CROCC: variants seen among roughly 807,000 people sequenced by gnomAD.
CROCC encodes the protein rootletin.
CROCC carries 180 observed loss-of-function variants against 245.2 expected under a neutral mutation model. The observed-to-expected ratio is 0.73, with a 90% CI of 0.65 to 0.83. CROCC has a LOEUF of 0.83. Among genes scored for constraint, CROCC ranks in the 40% least tolerant of loss-of-function variants. CROCC has a pLI of 0.00. For synonymous variants in CROCC, 1,205 were observed against 1,241.6 expected (o/e 0.97, Z 0.62); for missense variants, 2,688 against 2,779.4 (o/e 0.97, Z 0.74).
intron 13 of CROCC, among the ~76,000 whole-genome samples, chr1:16,942,275 G>A (rs1409963456): frequency 4.6e-5 from 7 of 152,266 alleles, no homozygotes; most frequent in South Asian, 2.1e-4. Flanking sequence ...TGGGATTATA[G>A]GTGTGAGCCA....
intron 25 of CROCC, among the ~76,000 whole-genome samples, chr1:16,956,454 T>G (rs977346539): frequency 3.3e-5 from 5 of 152,168 alleles, no homozygotes; most frequent in African/African-American, 1.2e-4. Context: ...AGGTACAGAT[T>G]TTGTGAACTA....
intron 26 of CROCC, among the ~76,000 whole-genome samples, chr1:16,959,524 G>A (rs2076296995): frequency 6.6e-6 from 1 of 152,190 alleles, no homozygotes; most frequent in Non-Finnish European, 1.5e-5. Flanking sequence ...TGAGAGATGG[G>A]CTAGCACAGC....
chr1:16,959,963 A>C (rs900440986), intron 26 of CROCC, among the ~76,000 whole-genome samples: 5 of 152,014 alleles, frequency 3.3e-5, no homozygotes, highest in African/African-American at 7.2e-5. Context: ...CAAAAAACAA[A>C]AAAAAAAACA....
chr1:16,936,568 C>T (rs2075792010), intron 8 of CROCC, 69 bp from the exon 9 acceptor site: 1 of 1,442,894 alleles, frequency 6.9e-7, no homozygotes, highest in South Asian at 1.4e-5. Flanking sequence ...CACGCCCTGC[C>T]CAAGCATAGT....
chr1:16,966,895 A>G lies in CROCC; in HGVS notation c.4860+324A>G, dbSNP rs1258765274. Among the ~76,000 whole-genome samples, 1 of 152,136 alleles carries G rather than the reference A, an allele frequency of 6.6e-6. No homozygotes were observed. Among genetic ancestry groups the G allele is most frequent in the Non-Finnish European group, 1.5e-5 (1 of 68,038 alleles). ...GGCAACATGGTGAAACCCCGTCTCT[A>G]TGAAAAATACTTAGCTGGGCATGGT... On this transcript the variant is annotated intron_variant, in intron 30 of 36. Coordinates refer to ENST00000375541, the MANE Select transcript of CROCC (RefSeq NM_014675.5). The surrounding 1 kb of genome is among the most constrained non-coding windows in gnomAD (Gnocchi z 4.8).
chr1:16,948,256 C>G, intron 17 of CROCC, 75 bp from the exon 18 acceptor site: 1 of 1,460,920 alleles, frequency 6.8e-7, no homozygotes, highest in Admixed American at 2.5e-5. Context: ...TGGGTTAGGC[C>G]CAGAGTTGGG....
In CROCC at chr1:16,922,016, C is replaced by A. The variant is rs190520832; in HGVS notation, c.-3C>A. The A allele has an allele frequency of 1.4e-3, 2,115 of 1,550,776 alleles. 5 individuals carry two copies. In the East Asian group the frequency reaches 0.021, roughly 15 times the overall value. ...CTGGAGGCATGCCCACAGCCTCCCC[C>A]CCATGAGCTTGGGGCTGGCGGGGGC... On this transcript the variant is annotated 5_prime_UTR_variant, in exon 1 of 37. Coordinates refer to ENST00000375541, the MANE Select transcript of CROCC (RefSeq NM_014675.5).
Position 16,922,666 on chromosome 1 carries a change from C to A in CROCC, c.64C>A (p.Leu22Met), listed in dbSNP as rs146883252. 118 of 1,606,532 alleles carry A rather than the reference C, an allele frequency of 7.3e-5. No individual in the cohort carries two copies. The African/African-American group carries it at 1.5e-3, about 20-fold the overall frequency. The stretch of plus-strand genomic sequence containing the variant: ...GACCCTCTCGCTTTTCCCACAGACA[C>A]TGGAGAGCAGCGTCCTGTGCCAGGA... ...ELTLETVIQT[L>M]ESSVLCQEKG... Residue 22 changes from leucine to methionine, a missense_variant, in exon 2 of 37, where the codon CTG (leucine) becomes ATG (methionine). Leu to Met is a conservative substitution (Grantham distance 15). This residue lies in a region of CROCC where 972 missense variants were observed against 895.3 expected (regional missense o/e 1.09). Transcript: ENST00000375541.
Position 16,948,799 on chromosome 1 carries a change from C to T in CROCC, c.2709C>T (p.Arg903=). Residue 903 remains arginine (R), a splice_region_variant and synonymous_variant, in exon 19 of 37, where the codon CGC becomes CGT. Coordinates refer to ENST00000375541, the MANE Select transcript of CROCC (RefSeq NM_014675.5). ...RTLSEEATRL[R]LEKEALEGSL... ...GCCTCAGGGACTGTATGTGCTGCAG[C>T]TTGGAGAAGGAAGCCCTGGAGGGCA... The T allele has an allele frequency of 6.2e-7, 1 of 1,611,588 alleles. No homozygotes were observed.
chr1:16,946,299 A>G lies in CROCC; in HGVS notation c.2177A>G (p.Lys726Arg). 2 of 1,613,568 alleles carry G rather than the reference A, an allele frequency of 1.2e-6. No individual in the cohort carries two copies. The highest frequency in any genetic ancestry group is 1.3e-5 in the African/African-American group (1 of 75,068). ...GTGGAGCTCGAGCTCTCCATGACCA[A>G]GCTGAGGGCAGAGGAGGCCTCCCTG... ...GRVELELSMT[K>R]LRAEEASLQD... Residue 726 changes from lysine to arginine, a missense_variant, in exon 16 of 37, where the codon AAG (lysine) becomes AGG (arginine). By Grantham distance (26) the Lys-to-Arg change is conservative. Around this residue, in one of 9 missense-constraint regions of CROCC, gnomAD observed 295 missense variants for 241.7 expected, o/e 1.22. Coordinates refer to ENST00000375541, the MANE Select transcript of CROCC (RefSeq NM_014675.5).
chr1:16,919,558 C>T (rs1397609442), upstream of CROCC, among the ~76,000 whole-genome samples: 1 of 152,288 alleles, frequency 6.6e-6, no homozygotes, highest in African/African-American at 2.4e-5. Flanking sequence ...CTTTATTCGG[C>T]TGGGAACTTC....
chr1:16,970,765 G>A lies in CROCC; in HGVS notation c.5782G>A (p.Glu1928Lys). Residue 1928 changes from glutamate (E) to lysine (K), a missense_variant and splice_region_variant, in exon 35 of 37, where the codon GAG (glutamate) becomes AAG (lysine). Around this residue, in one of 9 missense-constraint regions of CROCC, gnomAD observed 1,218 missense variants for 1,286.3 expected, o/e 0.95. Transcript: ENST00000375541. ...AEAQRQIQQL[E>K]AQVVVLEQSH... The stretch of plus-strand genomic sequence containing the variant: ...GGCGCAGAGGCAGATCCAGCAGCTG[G>A]AGGTCTGACCCCACCCAGTCCGGGA... The A allele has an allele frequency of 6.3e-7, 1 of 1,584,284 alleles. No homozygotes were observed. The highest frequency in any genetic ancestry group is 1.2e-5 in the South Asian group (1 of 86,018).
intron 3 of CROCC, among the ~76,000 whole-genome samples, chr1:16,927,731 G>A (rs372023278): frequency 0.012 from 1,770 of 151,994 alleles, no homozygotes; most frequent in African/African-American, 0.04. Flanking sequence ...TCAGGCCACC[G>A]CCACCACACA....
chr1:16,958,725 C>A lies in CROCC; in HGVS notation c.4007C>A (p.Ala1336Asp). ...CGGCAGAGGCTGCTGAAGGGCGAGGCCAGCCTGGAGGTGATGCGGCAGGAG... is the reference window on the plus strand; with the variant it reads ...CGGCAGAGGCTGCTGAAGGGCGAGGACAGCCTGGAGGTGATGCGGCAGGAG... Reference protein sequence around the residue: ...GLRQRLLKGEASLEVMRQELQ... With the variant: ...GLRQRLLKGEDSLEVMRQELQ... The change falls in exon 26 of 37, where the codon GCC becomes GAC. Residue 1336 changes from alanine (A) to aspartate (D), a missense_variant. Ala to Asp is a moderately radical substitution (Grantham distance 126). This residue lies in a region of CROCC where 1,218 missense variants were observed against 1,286.3 expected (regional missense o/e 0.95). Transcript: ENST00000375541. 6.4e-7 allele frequency: 1 copy of A among 1,562,026 alleles called. No individual in the cohort carries two copies. Among genetic ancestry groups the A allele is most frequent in the East Asian group, 2.4e-5 (1 of 42,236 alleles).
rs1227616183 is a variant in CROCC, at chr1:16,938,948, G to C, written c.1414G>C (p.Gly472Arg). 1.2e-6 allele frequency: 2 copies of C among 1,601,834 alleles called. No individual in the cohort carries two copies. Among genetic ancestry groups the C allele is most frequent in the Admixed American group, 1.8e-5 (1 of 55,964 alleles). The change falls in exon 12 of 37, where the codon GGC (glycine) becomes CGC (arginine). Residue 472 changes from glycine to arginine, a missense_variant. Gly to Arg is a moderately radical substitution (Grantham distance 125). This residue lies in a region of CROCC where 972 missense variants were observed against 895.3 expected (regional missense o/e 1.09). Transcript: ENST00000375541. ...CTCTGAGAGCGGCGTCCAGCTGAGC[G>C]GCTCTGAGCGCACCGCGGATGCTTC... ...SDSESGVQLS[G>R]SERTADASNG... is the part of the protein sequence containing the mutation.
rs1479252617 is a variant in CROCC at position 16,922,206 on chromosome 1, G to C, written c.60+128G>C. 8 of 1,013,188 alleles carry C rather than the reference G, an allele frequency of 7.9e-6. No homozygotes were observed. In the African/African-American group the frequency reaches 1.3e-4, roughly 16 times the overall value. The allele number at this position is 1,013,188 out of a possible 1,614,324, so 62.8% of individuals were successfully genotyped here. A position where few individuals can be genotyped will look rare whatever the true frequency, so the allele number is the denominator to read the frequency against. On this transcript the variant is annotated intron_variant, in intron 1 of 36. Coordinates refer to ENST00000375541, the MANE Select transcript of CROCC (RefSeq NM_014675.5). Reference sequence around the variant, plus strand: ...GGTGTGGTGGTGGTGGGGTATACAGGGGCCCCCCGCTTGCAGTTCCTGGCA... The same window carrying C: ...GGTGTGGTGGTGGTGGGGTATACAGCGGCCCCCCGCTTGCAGTTCCTGGCA...
At chr1:16,926,213 G>A (rs1007561852) in intron 3 of CROCC, among the ~76,000 whole-genome samples, 1 of 152,278 alleles carries the variant, frequency 6.6e-6, no homozygotes, top group Non-Finnish European at 1.5e-5. Flanking sequence ...GCCCCACCTG[G>A]AGGCAGGGGT....
Position 16,946,928 on chromosome 1 carries a change from A to T in CROCC, c.2451A>T (p.Ala817=), listed in dbSNP as rs1243349413. The T allele has an allele frequency of 1.3e-6, 2 of 1,563,236 alleles. No homozygotes were observed. The highest frequency in any genetic ancestry group is 1.7e-6 in the Non-Finnish European group (2 of 1,154,440). The part of the protein sequence containing the change: ...SLRVAEQAQE[A]LEQQLPTLRH... Reference sequence around the variant, plus strand: ...GAGTGGCGGAGCAGGCCCAGGAGGCATTGGAGCAGCAGCTCCCCACGCTGC... The same window carrying T: ...GAGTGGCGGAGCAGGCCCAGGAGGCTTTGGAGCAGCAGCTCCCCACGCTGC... The change falls in exon 17 of 37, where the codon GCA becomes GCT. Residue 817 remains alanine, a synonymous_variant. Transcript: ENST00000375541.
Position 16,938,482 on chromosome 1 carries a change from A to C in CROCC, c.1373A>C (p.Gln458Pro). 6.4e-7 allele frequency: 1 copy of C among 1,571,414 alleles called. No homozygotes were observed. Among genetic ancestry groups the C allele is most frequent in the Admixed American group, 1.9e-5 (1 of 53,638 alleles). Residue 458 changes from glutamine (Q) to proline (P), a missense_variant and splice_region_variant, in exon 11 of 37, where the codon CAG becomes CCG. By Grantham distance (76) the Gln-to-Pro change is moderately conservative. Around this residue, in one of 9 missense-constraint regions of CROCC, gnomAD observed 972 missense variants for 895.3 expected, o/e 1.09. Coordinates refer to ENST00000375541, the MANE Select transcript of CROCC (RefSeq NM_014675.5). ...GLQQTLRDLA[Q>P]AVLSDSESGV... ...CAGCAGACCCTAAGGGACCTGGCACAGGTGTGAGCCCAGAGAGGCGGGAAG... is the reference window on the plus strand; with the variant it reads ...CAGCAGACCCTAAGGGACCTGGCACCGGTGTGAGCCCAGAGAGGCGGGAAG...
Sources: gnomAD v4.1 joint callset for allele counts (sites outside exome capture counted in the v4.1 genomes callset) on GRCh38, gnomAD v4.1.1 for gene constraint, gnomAD v4.1.1 regional missense constraint, Gnocchi (gnomAD v3.1) non-coding constraint, MANE v1.5 for transcripts, NCBI Gene and HGNC (gene_info 2026-07-23, HGNC 2026-07-21) for gene names.